EFCAB5: variants seen among roughly 807,000 people sequenced by gnomAD.
EFCAB5 encodes EF-hand calcium-binding domain-containing protein 5.
Under a neutral mutation model 167.9 loss-of-function variants are expected in EFCAB5, and 131 were observed. The observed-to-expected ratio is 0.78, with a 90% CI of 0.68 to 0.90. The LOEUF is 0.90. Among genes scored for constraint, EFCAB5 ranks in the 40% least tolerant of loss-of-function variants. EFCAB5 has a pLI of 0.00. For synonymous variants in EFCAB5, 574 were observed against 602.8 expected, an observed-to-expected ratio of 0.95 and a Z score of 0.70; for missense variants, 1,663 against 1,745.2, an observed-to-expected ratio of 0.95 and a Z score of 0.84.
intron 14 of EFCAB5, chr17:30,069,624 A>T: frequency 6.2e-7 from 1 of 1,612,100 alleles, no homozygotes; most frequent in East Asian, 2.2e-5. Context: ...CTCGACTGGT[A>T]CCACAGCTAG....
chr17:30,085,779 A>G (rs1370197194), intron 18 of EFCAB5, among the ~76,000 whole-genome samples: 1 of 152,158 alleles, frequency 6.6e-6, no homozygotes, highest in Non-Finnish European at 1.5e-5. Flanking sequence ...CTAGAAGTCC[A>G]ATCGTCAATG....
Position 30,053,590 on chromosome 17 carries a change from C to A in EFCAB5, c.1636C>A (p.Pro546Thr). The change falls in exon 10 of 23, where the codon CCA becomes ACA. Residue 546 changes from proline to threonine, a missense_variant. Transcript: ENST00000394835. ...ACTGTACATAGAATCAGTAATAGAACCAGGAACACACACAGAGTCAACTCT... is the reference window on the plus strand; with the variant it reads ...ACTGTACATAGAATCAGTAATAGAAACAGGAACACACACAGAGTCAACTCT... ...QELYIESVIEPGTHTESTLEQ... is the reference protein window; with the variant it reads ...QELYIESVIETGTHTESTLEQ... 6.2e-7 allele frequency: 1 copy of A among 1,613,848 alleles called. No individual in the cohort carries two copies. Among genetic ancestry groups the A allele is most frequent in the Non-Finnish European group, 8.5e-7 (1 of 1,179,874 alleles).
chr17:30,061,304 G>GA (rs56763983), intron 14 of EFCAB5, among the ~76,000 whole-genome samples: 10 of 152,168 alleles, frequency 6.6e-5, no homozygotes, highest in Admixed American at 1.3e-4. Flanking sequence ...CAGTATGGAA[G>GA]AAAAAAAGCA....
chr17:29,960,071 C>T (rs772373110), intron 3 of EFCAB5, among the ~76,000 whole-genome samples: 40 of 152,170 alleles, frequency 2.6e-4, no homozygotes, highest in Admixed American at 2.6e-3. Context: ...TGGGCACCAG[C>T]TGAATTCTAC....
intron 7 of EFCAB5, among the ~76,000 whole-genome samples, chr17:30,019,195 T>G (rs2069116444): frequency 6.6e-6 from 1 of 152,176 alleles, no homozygotes; most frequent in African/African-American, 2.4e-5. Flanking sequence ...TTCCATCCAT[T>G]TATTCATTTA....
intron 4 of EFCAB5, 147 bp downstream of exon 4, chr17:29,969,514 A>C: frequency 1.4e-6 from 1 of 712,968 alleles, no homozygotes. Context: ...TATGTGCTTC[A>C]CTCTTTTTGA....
Position 30,078,441 on chromosome 17 carries a change from T to A in EFCAB5, c.2964T>A (p.Ala988=). The A allele has an allele frequency of 1.2e-6, 2 of 1,613,900 alleles. No homozygotes were observed. Among genetic ancestry groups the A allele is most frequent in the Non-Finnish European group, 1.7e-6 (2 of 1,179,844 alleles). Residue 988 remains alanine, a synonymous_variant, in exon 15 of 23, where the codon GCT becomes GCA. Transcript: ENST00000394835. ...RRKWLHQIQC[A]AETSGVSLEP... ...AATGGCTGCACCAAATCCAATGTGC[T>A]GCAGAGACAAGTGGGGTGTCCCTAG... is the stretch of plus-strand genomic sequence containing the variant.
chr17:30,080,376 C>A, intron 16 of EFCAB5, 135 bp downstream of exon 16: 4 of 905,164 alleles, frequency 4.4e-6, no homozygotes, highest in South Asian at 2.2e-5. Context: ...GGAGTAGAAG[C>A]TGATGGCTTC....
At chr17:30,093,330 A>G (rs867004766) in intron 22 of EFCAB5, among the ~76,000 whole-genome samples, 1 of 152,212 alleles carries the variant, frequency 6.6e-6, no homozygotes, top group Middle Eastern at 3.2e-3. Flanking sequence ...CTCAGGTTGG[A>G]GAAGACGATT....
chr17:30,055,579 AC>A (rs759964352), intron 10 of EFCAB5, among the ~76,000 whole-genome samples: 2 of 152,220 alleles, frequency 1.3e-5, no homozygotes, highest in Non-Finnish European at 2.9e-5. Context: ...GGATCTTGGA[AC>A]ATATCCTGCC....
intron 7 of EFCAB5, among the ~76,000 whole-genome samples, chr17:30,014,860 T>C (rs1488579580): frequency 6.6e-6 from 1 of 152,244 alleles, no homozygotes; most frequent in Non-Finnish European, 1.5e-5. Context: ...GCTGGTTATG[T>C]TGCCTGTTAG....
At chr17:29,930,455 A>AG (rs1169440574) in intron 1 of EFCAB5, among the ~76,000 whole-genome samples, 1 of 141,064 alleles carries the variant, frequency 7.1e-6, no homozygotes, top group Non-Finnish European at 1.6e-5. Flanking sequence ...CAGCCCGGTG[A>AG]GGGGTCCCAG....
intron 7 of EFCAB5, among the ~76,000 whole-genome samples, chr17:30,025,511 A>G (rs1370644699): frequency 6.6e-6 from 1 of 152,204 alleles, no homozygotes; most frequent in Non-Finnish European, 1.5e-5. Flanking sequence ...TTAAAAAGTC[A>G]AGAAACAACA....
intron 14 of EFCAB5, among the ~76,000 whole-genome samples, chr17:30,077,858 T>C (rs2151831164): frequency 1.3e-5 from 2 of 152,246 alleles, no homozygotes; most frequent in Middle Eastern, 3.4e-3. Flanking sequence ...GTTATGAAAG[T>C]ATGAAAGGAG....
chr17:30,082,583 G>A (rs1597783992), intron 17 of EFCAB5, among the ~76,000 whole-genome samples: 4 of 151,908 alleles, frequency 2.6e-5, no homozygotes, highest in Non-Finnish European at 5.9e-5. Flanking sequence ...TAGAGACAGG[G>A]TTTCACCATG....
At chr17:29,973,566 G>A (rs1437070775) in intron 4 of EFCAB5, among the ~76,000 whole-genome samples, 4 of 142,884 alleles carry the variant, frequency 2.8e-5, no homozygotes, top group Non-Finnish European at 6.0e-5. Context: ...TGCAACCTCT[G>A]CCTCTGGGTT....
intron 22 of EFCAB5, among the ~76,000 whole-genome samples, chr17:30,107,320 C>T (rs896951920): frequency 5.3e-5 from 8 of 152,060 alleles, no homozygotes; most frequent in Non-Finnish European, 7.4e-5. Context: ...TATTCTATAT[C>T]CAACCTTAAC....
At chr17:30,087,667 CCA>C (rs758631552) in intron 19 of EFCAB5, among the ~76,000 whole-genome samples, 7 of 152,124 alleles carry the variant, frequency 4.6e-5, no homozygotes, top group Admixed American at 2.0e-4. Context: ...TGTGTGTATA[CCA>C]CATTTTCTTT....
At chr17:29,976,913 A>G (rs1405339275) in intron 4 of EFCAB5, among the ~76,000 whole-genome samples, 2 of 152,164 alleles carry the variant, frequency 1.3e-5, no homozygotes, top group East Asian at 1.9e-4. Flanking sequence ...GGTAGCCACT[A>G]TATCTGAAAA....
Sources: gnomAD v4.1 joint callset for allele counts (sites outside exome capture counted in the v4.1 genomes callset) on GRCh38, gnomAD v4.1.1 for gene constraint, MANE v1.5 for transcripts, NCBI Gene and HGNC (gene_info 2026-07-23, HGNC 2026-07-21) for gene names.